Variants in TSTD2 observed in about 807,000 individuals in gnomAD.
TSTD2 encodes thiosulfate sulfurtransferase like domain containing 2.
A neutral mutation model predicts 47.9 loss-of-function variants in TSTD2; 37 were observed. That is an observed-to-expected ratio of 0.77 (90% CI 0.59 to 1.02). TSTD2 has a LOEUF of 1.02. Ranked by LOEUF, TSTD2 falls within the 50% of genes least tolerant of loss-of-function variation. TSTD2 has a pLI of 0.00. For missense variants in TSTD2, 586 were observed against 616.0 expected, an observed-to-expected ratio of 0.95 and a Z score of 0.52; for synonymous variants, 201 against 215.9, an observed-to-expected ratio of 0.93 and a Z score of 0.61.
intron 3 of TSTD2, among the ~76,000 whole-genome samples, chr9:97,619,477 A>G (rs896708770): frequency 6.6e-6 from 1 of 152,160 alleles, no homozygotes; most frequent in Non-Finnish European, 1.5e-5. Context: ...TTTAACATAA[A>G]GAATAGTAAA....
Position 97,601,313 on chromosome 9 carries a change from C to T in TSTD2, c.*1156G>A, listed in dbSNP as rs889746689. ...CAGGGACATGTGCCTGGCACACTGG[C>T]CAGAAGACTGGGCAGCCACCATGGC... is the stretch of plus-strand genomic sequence containing the variant. On this transcript the variant is annotated 3_prime_UTR_variant, in exon 10 of 10. Coordinates refer to ENST00000341170, the MANE Select transcript of TSTD2 (RefSeq NM_139246.5). 6 of 1,158,360 alleles carry T rather than the reference C, an allele frequency of 5.2e-6. No individual in the cohort carries two copies. Among genetic ancestry groups the T allele is most frequent in the Non-Finnish European group, 6.5e-6 (6 of 921,854 alleles). 71.8% of individuals were successfully genotyped at this position (1,158,360 alleles called of 1,614,324 possible). A position where few individuals can be genotyped will look rare whatever the true frequency, so the allele number is the denominator to read the frequency against.
intron 4 of TSTD2, among the ~76,000 whole-genome samples, chr9:97,617,450 T>C (rs1296190766): frequency 2.0e-5 from 3 of 152,380 alleles, no homozygotes; most frequent in East Asian, 1.9e-4. Context: ...CCAATTCTTT[T>C]ACATTATTAT....
rs1309257970 is a variant in TSTD2 at position 97,601,360 on chromosome 9, G to A, written c.*1109C>T. 1 of 1,116,416 alleles carries A rather than the reference G, an allele frequency of 9.0e-7. No individual in the cohort carries two copies. Among genetic ancestry groups the A allele is most frequent in the Non-Finnish European group, 1.1e-6 (1 of 902,348 alleles). The allele number at this position is 1,116,416 out of a possible 1,614,324, so 69.2% of individuals were successfully genotyped here. On this transcript the variant is annotated 3_prime_UTR_variant, in exon 10 of 10. Transcript: ENST00000341170. ...TGGCAGTGCTGGATGACCTCAGTAAGAATGTGTCATGTATTCCAGGTGCTG... is the reference window on the plus strand; with the variant it reads ...TGGCAGTGCTGGATGACCTCAGTAAAAATGTGTCATGTATTCCAGGTGCTG...
At position 97,604,765 on chromosome 9, in the gene TSTD2, T is replaced by C. The variant is rs544945853; in HGVS notation, c.1214A>G (p.Glu405Gly). 1 of 1,614,202 alleles carries C rather than the reference T, an allele frequency of 6.2e-7. No homozygotes were observed. Among genetic ancestry groups the C allele is most frequent in the African/African-American group, 1.3e-5 (1 of 75,040 alleles). Residue 405 changes from glutamate to glycine, a missense_variant, in exon 9 of 10, where the codon GAA (glutamate) becomes GGA (glycine). By Grantham distance (98) the Glu-to-Gly change is moderately conservative. Coordinates refer to ENST00000341170, the MANE Select transcript of TSTD2 (RefSeq NM_139246.5). Reference protein sequence around the residue: ...FYKGKLFVFDERYALSYNSDV... With the variant: ...FYKGKLFVFDGRYALSYNSDV... Reference sequence around the variant, plus strand: ...ACTGTTGTAGGACAGAGCATAGCGTTCATCAAAAACAAACAACTTCCCTTT... The same window carrying C: ...ACTGTTGTAGGACAGAGCATAGCGTCCATCAAAAACAAACAACTTCCCTTT...
chr9:97,604,696 C>T, intron 9 of TSTD2, 31 bp downstream of exon 9: 3 of 1,612,762 alleles, frequency 1.9e-6, no homozygotes, highest in Non-Finnish European at 2.5e-6. Flanking sequence ...TGCTTCATTT[C>T]AGTTTGGGCT....
chr9:97,613,681 AAG>A (rs756168039), intron 4 of TSTD2, among the ~76,000 whole-genome samples: 3 of 152,162 alleles, frequency 2.0e-5, no homozygotes, highest in Non-Finnish European at 4.4e-5. Context: ...TGTCTGGAAA[AAG>A]AGATGATTTA....
At chr9:97,627,359 C>T in intron 2 of TSTD2, 39 bp downstream of exon 2, 2 of 1,541,172 alleles carry the variant, frequency 1.3e-6, no homozygotes, top group Non-Finnish European at 1.8e-6. Context: ...CTGCGTTAAC[C>T]ACACATACAT....
Position 97,601,352 on chromosome 9 carries a change from C to T in TSTD2, c.*1117G>A, listed in dbSNP as rs765740941. Reference sequence around the variant, plus strand: ...AGCCACCATGGCAGTGCTGGATGACCTCAGTAAGAATGTGTCATGTATTCC... The same window carrying T: ...AGCCACCATGGCAGTGCTGGATGACTTCAGTAAGAATGTGTCATGTATTCC... On this transcript the variant is annotated 3_prime_UTR_variant, in exon 10 of 10. Transcript: ENST00000341170. 238 of 1,130,568 alleles carry T rather than the reference C, an allele frequency of 2.1e-4. No individual in the cohort carries two copies. The highest frequency in any genetic ancestry group is 1.8e-4 in the Non-Finnish European group (161 of 909,476). The allele number at this position is 1,130,568 out of a possible 1,614,324, so 70.0% of individuals were successfully genotyped here. A position where few individuals can be genotyped will look rare whatever the true frequency, so the allele number is the denominator to read the frequency against.
In TSTD2 at chr9:97,605,646, A is replaced by G. The variant is rs1564005950; in HGVS notation, c.955-5T>C. ...TAAGCAGCCTTGGAATCGTCCCTGT[A>G]ACATAGGAGCAACAAAAGGAAAATT... On this transcript the variant is annotated splice_polypyrimidine_tract_variant and splice_region_variant and intron_variant, in intron 7 of 9. Coordinates refer to ENST00000341170, the MANE Select transcript of TSTD2 (RefSeq NM_139246.5). 1 of 1,614,182 alleles carries G rather than the reference A, an allele frequency of 6.2e-7. No individual in the cohort carries two copies.
At chr9:97,628,491 G>C (rs900042924) in intron 1 of TSTD2, among the ~76,000 whole-genome samples, 1 of 152,166 alleles carries the variant, frequency 6.6e-6, no homozygotes, top group African/African-American at 2.4e-5. Flanking sequence ...AGACTGGAAA[G>C]AAATATTAAT....
Position 97,627,636 on chromosome 9 carries a change from C to G in TSTD2, c.-50-24G>C, listed in dbSNP as rs989124410. 3 of 1,352,998 alleles carry G rather than the reference C, an allele frequency of 2.2e-6. No individual in the cohort carries two copies. In the African/African-American group the frequency reaches 4.4e-5, roughly 20 times the overall value. 83.8% of individuals were successfully genotyped at this position (1,352,998 alleles called of 1,614,324 possible). ...TCCTAGAATATAAATAAGAAAGAAG[C>G]AGCCATGCTATTCTTTGATTTCTTG... On this transcript the variant is annotated intron_variant, in intron 1 of 9. Coordinates refer to ENST00000341170, the MANE Select transcript of TSTD2 (RefSeq NM_139246.5).
chr9:97,626,339 G>A (rs925374469), intron 2 of TSTD2, among the ~76,000 whole-genome samples: 2 of 151,978 alleles, frequency 1.3e-5, no homozygotes, highest in Non-Finnish European at 2.9e-5. Flanking sequence ...AAAGGAATAT[G>A]GAAAGTAAAT....
chr9:97,607,799 T>G (rs995139934), intron 6 of TSTD2, among the ~76,000 whole-genome samples: 6 of 151,990 alleles, frequency 3.9e-5, no homozygotes, highest in Non-Finnish European at 8.8e-5. Context: ...AGCTACTCAG[T>G]AGGCTGAGGC....
chr9:97,610,111 A>G, intron 6 of TSTD2: 1 of 340,416 alleles, frequency 2.9e-6, no homozygotes, highest in Non-Finnish European at 5.4e-6. Flanking sequence ...GCAAACAACT[A>G]ATTGATAAAC....
At chr9:97,616,147 G>GGA in intron 4 of TSTD2, among the ~76,000 whole-genome samples, 1 of 152,288 alleles carries the variant, frequency 6.6e-6, no homozygotes, top group South Asian at 2.1e-4. Context: ...AGTGGGTGTA[G>GGA]GAGAGTTCCT....
intron 7 of TSTD2, 78 bp from the exon 8 acceptor site, chr9:97,605,719 C>T (rs1826354759): frequency 1.9e-6 from 3 of 1,578,150 alleles, no homozygotes; most frequent in South Asian, 2.3e-5. Flanking sequence ...TTGTACCCAA[C>T]AAACCCTACT....
At chr9:97,610,508 G>A in intron 5 of TSTD2, 57 bp from the exon 6 acceptor site, 2 of 1,281,496 alleles carry the variant, frequency 1.6e-6, no homozygotes, top group Non-Finnish European at 2.1e-6. Context: ...CCAGGTATAA[G>A]ACAAGTGCCA....
At chr9:97,613,804 G>A (rs1329491443) in intron 4 of TSTD2, among the ~76,000 whole-genome samples, 1 of 149,682 alleles carries the variant, frequency 6.7e-6, no homozygotes, top group Non-Finnish European at 1.5e-5. Context: ...AGACACATCA[G>A]TTGATGCCTC....
At position 97,600,398 on chromosome 9, in the gene TSTD2, A is replaced by G. The variant is rs1358845256; in HGVS notation, c.*2071T>C. ...ATCCCAGGCAACAAACATGTCCCTG[A>G]GTGTTCTTTAAGAACATTTGGGATT... On this transcript the variant is annotated 3_prime_UTR_variant, in exon 10 of 10. Coordinates refer to ENST00000341170, the MANE Select transcript of TSTD2 (RefSeq NM_139246.5). 2.0e-6 allele frequency: 2 copies of G among 985,834 alleles called. No individual in the cohort carries two copies. Among genetic ancestry groups the G allele is most frequent in the African/African-American group, 3.5e-5 (2 of 57,254 alleles). The allele number at this position is 985,834 out of a possible 1,614,324, so 61.1% of individuals were successfully genotyped here. A position where few individuals can be genotyped will look rare whatever the true frequency, so the allele number is the denominator to read the frequency against.
Sources: gnomAD v4.1 joint callset for allele counts (sites outside exome capture counted in the v4.1 genomes callset) on GRCh38, gnomAD v4.1.1 for gene constraint, MANE v1.5 for transcripts, NCBI Gene and HGNC (gene_info 2026-07-23, HGNC 2026-07-21) for gene names.